SPDYE1: variants seen among roughly 807,000 people sequenced by gnomAD.
The protein encoded by SPDYE1 is speedy protein E1.
A neutral mutation model predicts 45.9 loss-of-function variants in SPDYE1; 29 were observed. The observed-to-expected ratio is 0.63, with a 90% CI of 0.47 to 0.86. The LOEUF (loss-of-function observed/expected upper bound fraction) is 0.86, where lower values mean the gene tolerates loss of function less well. SPDYE1 is among the 40% of genes least tolerant of loss of function. The probability of loss-of-function intolerance (pLI) is 0.00; values close to 1 mark genes in which losing one functional copy is unlikely to be tolerated. For synonymous variants in SPDYE1, 134 were observed against 176.8 expected, an observed-to-expected ratio of 0.76 and a Z score of 1.92; for missense variants, 346 against 481.4, an observed-to-expected ratio of 0.72 and a Z score of 2.63.
rs1358941790 is a variant in SPDYE1, at chr7:44,009,583, A to G, written c.*962A>G. Reference sequence around the variant, plus strand: ...AAAACATGGGTATAGAATTATTTAAATATTATTTTATTTATTTAAATATTT... The same window carrying G: ...AAAACATGGGTATAGAATTATTTAAGTATTATTTTATTTATTTAAATATTT... On this transcript the variant is annotated 3_prime_UTR_variant, in exon 9 of 9. Coordinates refer to ENST00000693451, the MANE Select transcript of SPDYE1 (RefSeq NM_001378423.2). 10 of 148,514 alleles carry G rather than the reference A, an allele frequency of 6.7e-5. No homozygotes were observed. The highest frequency in any genetic ancestry group is 1.2e-4 in the Non-Finnish European group (8 of 67,230). 9.2% of individuals were successfully genotyped at this position (148,514 alleles called of 1,614,324 possible). A position where few individuals can be genotyped will look rare whatever the true frequency, so the allele number is the denominator to read the frequency against.
At chr7:43,998,376 G>A (rs2128774858) in intron 1 of SPDYE1, among the ~76,000 whole-genome samples, 1 of 151,298 alleles carries the variant, frequency 6.6e-6, no homozygotes, top group African/African-American at 2.4e-5. Context: ...GCACAATGGT[G>A]CGATCTTGGC....
intron 5 of SPDYE1, chr7:44,004,302 T>G (rs546689539): frequency 2.9e-6 from 1 of 345,334 alleles, no homozygotes; most frequent in Non-Finnish European, 5.5e-6. Context: ...CCCAAAGTGC[T>G]GAGATTATAG....
chr7:44,007,428 A>G lies in SPDYE1; in HGVS notation c.913A>G (p.Ile305Val), dbSNP rs186507636. ...GAGGGCCAGGAAGAACCGCTCTCACATACCCTTGGTCCGTAAGCGTCGGTT... is the reference window on the plus strand; with the variant it reads ...GAGGGCCAGGAAGAACCGCTCTCACGTACCCTTGGTCCGTAAGCGTCGGTT... ...NPRARKNRSH[I>V]PLVRKRRFQL... Residue 305 changes from isoleucine (I) to valine (V), a missense_variant, in exon 7 of 9, where the codon ATA (isoleucine) becomes GTA (valine). This residue lies in a region of SPDYE1 where 186 missense variants were observed against 219.1 expected (regional missense o/e 0.85). Transcript: ENST00000693451. The G allele has an allele frequency of 2.0e-4, 318 of 1,612,202 alleles. 1 individual carries two copies. Among genetic ancestry groups the G allele is most frequent in the Admixed American group, 1.3e-3 (77 of 59,830 alleles).
At chr7:44,005,092 C>T in intron 5 of SPDYE1, 50 bp from the exon 6 acceptor site, 1 of 1,595,970 alleles carries the variant, frequency 6.3e-7, no homozygotes, top group South Asian at 1.1e-5. Context: ...CACAATCTTC[C>T]TCTTCCAAGA....
At chr7:44,000,222 C>A (rs1433493485) in intron 2 of SPDYE1, 113 bp downstream of exon 2, 6 of 982,650 alleles carry the variant, frequency 6.1e-6, no homozygotes, top group Non-Finnish European at 7.2e-6. Flanking sequence ...CCGAGGCGGG[C>A]GGATCATCTG....
intron 5 of SPDYE1, chr7:44,004,390 T>G (rs1298817253): frequency 4.1e-6 from 1 of 246,278 alleles, no homozygotes; most frequent in African/African-American, 2.3e-5. Context: ...TGAGACAGAA[T>G]CTAGCTCTGC....
intron 5 of SPDYE1, 128 bp downstream of exon 5, chr7:44,004,039 T>C: frequency 8.2e-7 from 1 of 1,219,032 alleles, no homozygotes. Context: ...TTTTTTTTTT[T>C]TTTTTTGTGT....
chr7:43,999,968 AG>A lies in SPDYE1; in HGVS notation c.21del (p.Arg7SerfsTer51), dbSNP rs1217059976. MDRTET[R>X]FRKRGQITGK... The stretch of plus-strand genomic sequence containing the variant: ...GAAGGCCATGGACAGAACGGAGACT[AG>A]GTTCCGTAAGAGGGGACAGATTACG... On this transcript the variant is annotated frameshift_variant, in exon 2 of 9. Coordinates refer to ENST00000693451, the MANE Select transcript of SPDYE1 (RefSeq NM_001378423.2). LOFTEE classifies it high-confidence loss of function. 8 of 984,712 alleles carry A rather than the reference AG, an allele frequency of 8.1e-6. No homozygotes were observed. The African/African-American group carries it at 1.2e-4, about 15-fold the overall frequency. 61.0% of individuals were successfully genotyped at this position (984,712 alleles called of 1,614,324 possible).
intron 8 of SPDYE1, 28 bp from the exon 9 acceptor site, chr7:44,008,639 A>G (rs1249318818): frequency 7.9e-7 from 1 of 1,259,414 alleles, no homozygotes; most frequent in Non-Finnish European, 1.0e-6. Flanking sequence ...GCCTCCTTGA[A>G]GTGTGACATT....
At chr7:44,000,942 A>ACTGC (rs2096061996) in intron 2 of SPDYE1, 124 bp from the exon 3 acceptor site, 1 of 1,593,806 alleles carries the variant, frequency 6.3e-7, no homozygotes, top group African/African-American at 1.3e-5. Flanking sequence ...AATCAGAAAG[A>ACTGC]TGGCTTAGAG....
chr7:43,998,032 A>G (rs1226751726), intron 1 of SPDYE1, among the ~76,000 whole-genome samples, 73 bp downstream of exon 1: 1 of 152,146 alleles, frequency 6.6e-6, no homozygotes, highest in Non-Finnish European at 1.5e-5. Context: ...ATTCCACAAA[A>G]GAGAAATTTT....
At chr7:43,999,091 A>C (rs983903188) in intron 1 of SPDYE1, among the ~76,000 whole-genome samples, 1 of 151,894 alleles carries the variant, frequency 6.6e-6, no homozygotes, top group Non-Finnish European at 1.5e-5. Flanking sequence ...AACTTGATAT[A>C]TAGACTAGAG....
chr7:44,006,424 CT>C (rs2096071259), intron 6 of SPDYE1, among the ~76,000 whole-genome samples: 1 of 151,296 alleles, frequency 6.6e-6, no homozygotes, highest in Non-Finnish European at 1.5e-5. Context: ...AGGCAGGGTC[CT>C]GGCAAAATAT....
chr7:44,000,249 G>A (rs1236848458), intron 2 of SPDYE1, 140 bp downstream of exon 2: 1 of 933,684 alleles, frequency 1.1e-6, no homozygotes, highest in South Asian at 5.0e-5. Flanking sequence ...GGAGTTCAAG[G>A]CCAGCCTGGC....
At chr7:44,001,727 A>C (rs1220808701) in intron 3 of SPDYE1, among the ~76,000 whole-genome samples, 2 of 152,070 alleles carry the variant, frequency 1.3e-5, no homozygotes, top group African/African-American at 4.8e-5. Flanking sequence ...AGATGGGTGG[A>C]TCACTTGAGG....
chr7:44,007,199 G>A (rs966096883), intron 6 of SPDYE1, 69 bp from the exon 7 acceptor site: 14 of 1,611,824 alleles, frequency 8.7e-6, no homozygotes, highest in Non-Finnish European at 8.5e-6. Context: ...TTCCTCTCTG[G>A]GAAGCTGACC....
intron 1 of SPDYE1, among the ~76,000 whole-genome samples, chr7:43,998,323 AT>A (rs111342823): frequency 4.6e-4 from 70 of 150,966 alleles, no homozygotes; most frequent in African/African-American, 1.7e-3. Flanking sequence ...CAGGTTCTTT[AT>A]TTTTTTTGAG....
rs948448244 is a variant in SPDYE1 at position 44,009,898 on chromosome 7, G to A, written c.*1277G>A. ...ACATATATATTACATTTATAGCTAT[G>A]TAGTAGTTCCCCTAAATTCTTGTAA... is the stretch of plus-strand genomic sequence containing the variant. On this transcript the variant is annotated 3_prime_UTR_variant, in exon 9 of 9. Transcript: ENST00000693451. 1 of 151,916 alleles carries A rather than the reference G, an allele frequency of 6.6e-6. No homozygotes were observed. The highest frequency in any genetic ancestry group is 2.4e-5 in the African/African-American group (1 of 41,376). 9.4% of individuals were successfully genotyped at this position (151,916 alleles called of 1,614,324 possible).
intron 5 of SPDYE1, chr7:44,004,257 AC>A (rs1187499631): frequency 2.5e-6 from 1 of 401,570 alleles, no homozygotes; most frequent in Non-Finnish European, 4.6e-6. Context: ...TTGGTCCTGA[AC>A]ACCTGACCTC....
Sources: gnomAD v4.1 joint callset for allele counts (sites outside exome capture counted in the v4.1 genomes callset) on GRCh38, gnomAD v4.1.1 for gene constraint, gnomAD v4.1.1 regional missense constraint, MANE v1.5 for transcripts, NCBI Gene and HGNC (gene_info 2026-07-23, HGNC 2026-07-21) for gene names.